Variants in GCLM observed in about 807,000 individuals in gnomAD.
The protein encoded by GCLM is glutamate--cysteine ligase regulatory subunit.
In GCLM, 15 loss-of-function variants were observed where a neutral mutation model predicts 36.0. That is an observed-to-expected ratio of 0.42 (90% confidence interval 0.28 to 0.64). The LOEUF is 0.64. Ranked by LOEUF, GCLM falls within the 30% of genes least tolerant of loss-of-function variation. GCLM has a pLI of 0.25. For synonymous variants in GCLM, 129 were observed against 122.8 expected, an observed-to-expected ratio of 1.05 and a Z score of -0.34; for missense variants, 242 against 325.5, an observed-to-expected ratio of 0.74 and a Z score of 1.97.
chr1:93,909,393 G>C lies in GCLM; in HGVS notation c.-230C>G. 1.4e-6 allele frequency: 1 copy of C among 696,018 alleles called. No homozygotes were observed. The highest frequency in any genetic ancestry group is 1.8e-6 in the Non-Finnish European group (1 of 558,864). The allele number at this position is 696,018 out of a possible 1,614,324, so 43.1% of individuals were successfully genotyped here. On this transcript the variant is annotated 5_prime_UTR_variant, in exon 1 of 7. Coordinates refer to ENST00000370238, the MANE Select transcript of GCLM (RefSeq NM_002061.4). ...CACCGGTGGCTGCGGCTCCGGCTCCGGCTACTGCGGCCGCAGCGGGAGAGC... is the reference window on the plus strand; with the variant it reads ...CACCGGTGGCTGCGGCTCCGGCTCCCGCTACTGCGGCCGCAGCGGGAGAGC...
At chr1:93,894,249 A>T (rs1390098112) in intron 6 of GCLM, among the ~76,000 whole-genome samples, 2 of 134,586 alleles carry the variant, frequency 1.5e-5, no homozygotes, top group Non-Finnish European at 3.1e-5. Flanking sequence ...ACAGAACAAG[A>T]CTCCATCTCA....
chr1:93,896,935 A>AT, intron 4 of GCLM, 115 bp from the exon 5 acceptor site: 1 of 651,350 alleles, frequency 1.5e-6, no homozygotes, highest in Non-Finnish European at 2.7e-6. Context: ...TGTTTTCAAA[A>AT]TAACAGATTA....
In GCLM at chr1:93,909,173, C is replaced by T. The variant is rs1657267599; in HGVS notation, c.-10G>A. On this transcript the variant is annotated 5_prime_UTR_variant, in exon 1 of 7. Transcript: ENST00000370238. ...GGCTGTCGGTGCCCATGGCAGCGGC[C>T]GCCCAGGGGCCGCGCAGCGAAGGGG... is the stretch of plus-strand genomic sequence containing the variant. The T allele has an allele frequency of 3.2e-6, 4 of 1,268,118 alleles. No individual in the cohort carries two copies. The South Asian group carries it at 1.0e-4, about 33-fold the overall frequency. The allele number at this position is 1,268,118 out of a possible 1,614,324, so 78.6% of individuals were successfully genotyped here. A position where few individuals can be genotyped will look rare whatever the true frequency, so the allele number is the denominator to read the frequency against.
chr1:93,891,683 G>A (rs1302091175), intron 6 of GCLM, among the ~76,000 whole-genome samples: 1 of 152,124 alleles, frequency 6.6e-6, no homozygotes, highest in Non-Finnish European at 1.5e-5. Flanking sequence ...CAATCAATAT[G>A]GAAAGATTCC....
At chr1:93,904,400 A>G (rs1174113167) in intron 2 of GCLM, 123 bp downstream of exon 2, 1 of 699,072 alleles carries the variant, frequency 1.4e-6, no homozygotes, top group Non-Finnish European at 2.6e-6. Flanking sequence ...TCAGCAAATC[A>G]ACCACAGAGA....
intron 6 of GCLM, among the ~76,000 whole-genome samples, chr1:93,892,776 A>G (rs1245392982): frequency 6.6e-6 from 1 of 152,194 alleles, no homozygotes; most frequent in Non-Finnish European, 1.5e-5. Context: ...AGGAACCTTA[A>G]TCTTTTCCTA....
chr1:93,889,204 AAAAC>A, intron 6 of GCLM, 45 bp from the exon 7 acceptor site: 1 of 1,426,134 alleles, frequency 7.0e-7, no homozygotes, highest in South Asian at 1.4e-5. Flanking sequence ...GTTAAATTGG[AAAAC>A]AAAAAAGCAC....
chr1:93,899,758 C>T (rs1181260885), intron 3 of GCLM, among the ~76,000 whole-genome samples: 1 of 152,014 alleles, frequency 6.6e-6, no homozygotes, highest in African/African-American at 2.4e-5. Flanking sequence ...TGCATACCTA[C>T]CCAAGACCAC....
intron 1 of GCLM, 117 bp downstream of exon 1, chr1:93,908,921 G>A: frequency 1.2e-6 from 1 of 814,310 alleles, no homozygotes; most frequent in Non-Finnish European, 1.7e-6. Context: ...CGGAGCCCAG[G>A]TGCGCGCGAG....
At position 93,888,648 on chromosome 1, in the gene GCLM, A is replaced by G. The variant is rs911554639; in HGVS notation, c.*342T>C. 1 of 160,408 alleles carries G rather than the reference A, an allele frequency of 6.2e-6. No individual in the cohort carries two copies. Among genetic ancestry groups the G allele is most frequent in the African/African-American group, 2.4e-5 (1 of 41,846 alleles). The allele number at this position is 160,408 out of a possible 1,614,324, so 9.9% of individuals were successfully genotyped here. A position where few individuals can be genotyped will look rare whatever the true frequency, so the allele number is the denominator to read the frequency against. On this transcript the variant is annotated 3_prime_UTR_variant, in exon 7 of 7. Transcript: ENST00000370238. The stretch of plus-strand genomic sequence containing the variant: ...TTTTTTTTGGAAATAAAAAATATGT[A>G]TATACATTACCCTGATACCTAGGCC...
chr1:93,908,879 C>T (rs1657249093), intron 1 of GCLM, 159 bp downstream of exon 1: 1 of 505,806 alleles, frequency 2.0e-6, no homozygotes, highest in Non-Finnish European at 3.1e-6. Context: ...CCCAAGGTCG[C>T]GTCGACACTG....
rs1305832509 is a variant in GCLM, at chr1:93,909,419, T to G, written c.-256A>C. On this transcript the variant is annotated 5_prime_UTR_variant, in exon 1 of 7. Coordinates refer to ENST00000370238, the MANE Select transcript of GCLM (RefSeq NM_002061.4). Reference sequence around the variant, plus strand: ...GCTACTGCGGCCGCAGCGGGAGAGCTGATTCCAAACTGAGGGAGCTGTTTC... The same window carrying G: ...GCTACTGCGGCCGCAGCGGGAGAGCGGATTCCAAACTGAGGGAGCTGTTTC... The G allele has an allele frequency of 2.4e-6, 1 of 425,166 alleles. No homozygotes were observed. The highest frequency in any genetic ancestry group is 3.2e-6 in the Non-Finnish European group (1 of 313,086). 26.3% of individuals were successfully genotyped at this position (425,166 alleles called of 1,614,324 possible). A position where few individuals can be genotyped will look rare whatever the true frequency, so the allele number is the denominator to read the frequency against.
intron 2 of GCLM, 100 bp from the exon 3 acceptor site, chr1:93,901,769 C>A: frequency 1.5e-6 from 1 of 678,556 alleles, no homozygotes; most frequent in Non-Finnish European, 2.5e-6. Flanking sequence ...ATCAGAGAAC[C>A]TATAAGACAA....
At chr1:93,890,476 A>C (rs1241951486) in intron 6 of GCLM, among the ~76,000 whole-genome samples, 1 of 152,210 alleles carries the variant, frequency 6.6e-6, no homozygotes, top group Non-Finnish European at 1.5e-5. Context: ...TTTAAAAATG[A>C]AAACACCAAT....
chr1:93,891,118 A>T (rs901903944), intron 6 of GCLM, among the ~76,000 whole-genome samples: 4 of 151,808 alleles, frequency 2.6e-5, no homozygotes, highest in Non-Finnish European at 5.9e-5. Context: ...AAACTCCTGG[A>T]CTCAAGTGAT....
Position 93,909,123 on chromosome 1 carries a change from C to A in GCLM, c.41G>T (p.Arg14Leu), listed in dbSNP as rs1403193385. Residue 14 changes from arginine (R) to leucine (L), a missense_variant, in exon 1 of 7, where the codon CGG (arginine) becomes CTG (leucine). Physicochemically the swap from Arg to Leu is moderately radical, Grantham distance 102. Coordinates refer to ENST00000370238, the MANE Select transcript of GCLM (RefSeq NM_002061.4). ...CGTCTGCAGGTGCAGGGTGCGGGCC[C>A]GCGCCAGGAGCGCCTTGGCCGCGCG... The part of the protein sequence containing the change: ...DSRAAKALLA[R>L]ARTLHLQTGN... 2 of 1,425,066 alleles carry A rather than the reference C, an allele frequency of 1.4e-6. No individual in the cohort carries two copies. The highest frequency in any genetic ancestry group is 1.8e-6 in the Non-Finnish European group (2 of 1,086,554). 88.3% of individuals were successfully genotyped at this position (1,425,066 alleles called of 1,614,324 possible).
chr1:93,902,925 A>C (rs759028062), intron 2 of GCLM, among the ~76,000 whole-genome samples: 3 of 152,202 alleles, frequency 2.0e-5, no homozygotes, highest in Non-Finnish European at 2.9e-5. Flanking sequence ...CCAGAATATC[A>C]AATAGTTGAT....
rs921668275 is a variant in GCLM, at chr1:93,896,379, T to G, written c.540+239A>C. Among the ~76,000 whole-genome samples, 3 of 152,160 alleles carry G rather than the reference T, an allele frequency of 2.0e-5. No homozygotes were observed. The South Asian group carries it at 6.2e-4, about 32-fold the overall frequency. On this transcript the variant is annotated intron_variant, in intron 5 of 6. Coordinates refer to ENST00000370238, the MANE Select transcript of GCLM (RefSeq NM_002061.4). ...ATCTTCTAGTATTTTTGTCACTCAT[T>G]TTAACCAGGATTAACATTCAGTTCA...
At chr1:93,908,222 A>G (rs1268564346) in intron 1 of GCLM, among the ~76,000 whole-genome samples, 1 of 152,232 alleles carries the variant, frequency 6.6e-6, no homozygotes, top group Non-Finnish European at 1.5e-5. Context: ...CACAATGTGC[A>G]GTGGATGACT....
Sources: gnomAD v4.1 joint callset for allele counts (sites outside exome capture counted in the v4.1 genomes callset) on GRCh38, gnomAD v4.1.1 for gene constraint, MANE v1.5 for transcripts, NCBI Gene and HGNC (gene_info 2026-07-23, HGNC 2026-07-21) for gene names.